Variants in PLD3 observed in about 807,000 individuals in gnomAD.
PLD3 encodes the protein 5'-3' exonuclease PLD3.
PLD3 carries 31 observed loss-of-function variants against 58.4 expected under a neutral mutation model. The ratio of observed to expected loss-of-function variants is 0.53; its 90% confidence interval spans 0.40 to 0.72. The LOEUF (loss-of-function observed/expected upper bound fraction) is 0.72. Among genes scored for constraint, PLD3 ranks in the 30% least tolerant of loss-of-function variants. The pLI is 0.00. For missense variants in PLD3, 595 were observed against 659.8 expected (o/e 0.90, Z 1.08); for synonymous variants, 264 against 273.4 (o/e 0.97, Z 0.34).
Position 40,378,176 on chromosome 19 carries a change from C to T in PLD3, c.*3C>T, listed in dbSNP as rs1281547306. 6.2e-7 allele frequency: 1 copy of T among 1,604,866 alleles called. No individual in the cohort carries two copies. Among genetic ancestry groups the T allele is most frequent in the Non-Finnish European group, 8.5e-7 (1 of 1,175,008 alleles). On this transcript the variant is annotated 3_prime_UTR_variant, in exon 13 of 13. Transcript: ENST00000409735. ...GCAACGCCTGCCGCCTGCTCTGAGG[C>T]CCGATCCAGTGGGCAGGCCAAGGCC...
At chr19:40,371,916 G>GC (rs2079077054) in intron 9 of PLD3, 43 bp downstream of exon 9, 1 of 1,494,832 alleles carries the variant, frequency 6.7e-7, no homozygotes, top group Non-Finnish European at 9.3e-7. Flanking sequence ...CCAGCCCCAT[G>GC]CCGTCACTCA....
intron 8 of PLD3, 86 bp from the exon 9 acceptor site, chr19:40,371,587 G>C: frequency 1.2e-6 from 1 of 846,920 alleles, no homozygotes; most frequent in Non-Finnish European, 1.9e-6. Context: ...GGGACAGGGG[G>C]AAAGACAGAG....
chr19:40,376,456 T>G, intron 10 of PLD3, 153 bp from the exon 11 acceptor site: 1 of 673,272 alleles, frequency 1.5e-6, no homozygotes, highest in Non-Finnish European at 2.5e-6. Flanking sequence ...GTGGGATTTA[T>G]GGAGACAGGA....
In PLD3 at chr19:40,369,442, C is replaced by T. The variant is rs561627322; in HGVS notation, c.430-466C>T. On this transcript the variant is annotated intron_variant, in intron 6 of 12. Coordinates refer to ENST00000409735, the MANE Select transcript of PLD3 (RefSeq NM_012268.4). ...CTGTGGGGATTATAATTAAACCAGC[C>T]TCACTGGGTTGTGAGAATTCAGTGA... 2.6e-5 allele frequency among the ~76,000 whole-genome samples: 4 copies of T among 152,336 alleles called. No individual in the cohort carries two copies. In the South Asian group the frequency reaches 8.3e-4, roughly 32 times the overall value.
chr19:40,375,131 G>A (rs966502265), intron 10 of PLD3, among the ~76,000 whole-genome samples: 9 of 151,892 alleles, frequency 5.9e-5, no homozygotes, highest in African/African-American at 2.2e-4. Context: ...TCTCCAGCCT[G>A]TGCGACAGAC....
intron 1 of PLD3, chr19:40,359,316 C>G (rs754838210): frequency 6.6e-6 from 1 of 152,242 alleles, no homozygotes; most frequent in Non-Finnish European, 1.5e-5. Flanking sequence ...TCCCAAAGTG[C>G]TGGATTACAG....
At chr19:40,361,858 T>G (rs2078793941) in intron 1 of PLD3, among the ~76,000 whole-genome samples, 1 of 152,122 alleles carries the variant, frequency 6.6e-6, no homozygotes, top group South Asian at 2.1e-4. Context: ...TTTTTTATTT[T>G]TTGAGACGGA....
intron 1 of PLD3, among the ~76,000 whole-genome samples, chr19:40,352,058 G>A (rs1382273503): frequency 6.6e-6 from 1 of 152,110 alleles, no homozygotes; most frequent in African/African-American, 2.4e-5. Flanking sequence ...GATCACTTGA[G>A]GTCAGGAGTT....
chr19:40,355,234 T>C lies in PLD3; in HGVS notation c.-279+6466T>C, dbSNP rs560802941. On this transcript the variant is annotated intron_variant, in intron 1 of 12. Transcript: ENST00000409735. ...ATTTTTTTCCAAGGCACATTCCATG[T>C]ATTTCACTCATTTATTTTCACTCCC... Among the ~76,000 whole-genome samples the C allele has an allele frequency of 4.6e-5, 7 of 152,262 alleles. No homozygotes were observed. The South Asian group carries it at 1.5e-3, about 32-fold the overall frequency.
chr19:40,374,726 T>C, intron 10 of PLD3, 106 bp downstream of exon 10: 4 of 1,270,116 alleles, frequency 3.1e-6, no homozygotes, highest in Non-Finnish European at 4.5e-6. Flanking sequence ...AGGGGACAGA[T>C]GGAAGAGAAG....
intron 11 of PLD3, among the ~76,000 whole-genome samples, chr19:40,377,429 T>TG (rs2079258842): frequency 3.7e-4 from 1 of 2,716 alleles, no homozygotes; most frequent in Non-Finnish European, 9.0e-4. Flanking sequence ...AGGGCCAGGG[T>TG]CGGGGGGCAC....
chr19:40,352,140 GCT>G (rs1199936256), intron 1 of PLD3, among the ~76,000 whole-genome samples: 412 of 152,032 alleles, frequency 2.7e-3, no homozygotes, highest in Non-Finnish European at 4.4e-3. Context: ...GGGCGTTGTG[GCT>G]TGTGCCTGTA....
chr19:40,351,961 A>G (rs956348238), intron 1 of PLD3, among the ~76,000 whole-genome samples: 1 of 152,168 alleles, frequency 6.6e-6, no homozygotes. Flanking sequence ...TGTTGGGAGA[A>G]AGTTTCAAAT....
At position 40,378,455 on chromosome 19, in the gene PLD3, G is replaced by C; in HGVS notation, c.*282G>C. ...ACTTTCCAGGGCAAAAAGGGCCCAG[G>C]GTTATAATAAGTAAATAACTTGTCT... On this transcript the variant is annotated 3_prime_UTR_variant, in exon 13 of 13. Coordinates refer to ENST00000409735, the MANE Select transcript of PLD3 (RefSeq NM_012268.4). 3.7e-6 allele frequency: 2 copies of C among 546,078 alleles called. No homozygotes were observed. The highest frequency in any genetic ancestry group is 6.6e-6 in the Non-Finnish European group (2 of 303,120). 33.8% of individuals were successfully genotyped at this position (546,078 alleles called of 1,614,324 possible).
rs756203771 is a variant in PLD3 at position 40,369,963 on chromosome 19, G to A, written c.485G>A (p.Arg162His). The A allele has an allele frequency of 1.3e-5, 21 of 1,561,288 alleles. No homozygotes were observed. The Admixed American group carries it at 1.9e-4, about 14-fold the overall frequency. Reference protein sequence around the residue: ...QTLAPKGVNVRIAVSKPSGPQ... With the variant: ...QTLAPKGVNVHIAVSKPSGPQ... ...CTGGCACCAAAGGGCGTGAACGTCC[G>A]CATCGCTGTGAGCAAGCCCAGCGGG... The change falls in exon 7 of 13, where the codon CGC becomes CAC. Residue 162 changes from arginine to histidine, a missense_variant. Coordinates refer to ENST00000409735, the MANE Select transcript of PLD3 (RefSeq NM_012268.4).
At chr19:40,371,061 G>A (rs529050448) in intron 8 of PLD3, among the ~76,000 whole-genome samples, 1 of 152,274 alleles carries the variant, frequency 6.6e-6, no homozygotes. Flanking sequence ...GTTTCCCAAA[G>A]GAGGTATAAC....
intron 1 of PLD3, chr19:40,357,498 A>C (rs1441721642): frequency 2.0e-5 from 3 of 152,096 alleles, no homozygotes; most frequent in African/African-American, 7.2e-5. Flanking sequence ...ATCAGCCTTG[A>C]CTTTTTCCCC....
intron 1 of PLD3, among the ~76,000 whole-genome samples, chr19:40,365,221 TGA>T (rs1010898326): frequency 6.6e-6 from 1 of 152,108 alleles, no homozygotes; most frequent in African/African-American, 2.4e-5. Context: ...AGAGGAGGGA[TGA>T]GAGAGGAAAG....
chr19:40,349,693 T>G lies in PLD3; in HGVS notation c.-279+925T>G, dbSNP rs549547793. ...GTCACCCTCGGCCGGGTGCGGTGGCTCATGCCTGTAATCCCAGCACTTTAG... is the reference window on the plus strand; with the variant it reads ...GTCACCCTCGGCCGGGTGCGGTGGCGCATGCCTGTAATCCCAGCACTTTAG... On this transcript the variant is annotated intron_variant, in intron 1 of 12. Coordinates refer to ENST00000409735, the MANE Select transcript of PLD3 (RefSeq NM_012268.4). Among the ~76,000 whole-genome samples, 4 of 152,314 alleles carry G rather than the reference T, an allele frequency of 2.6e-5. No individual in the cohort carries two copies. The South Asian group carries it at 8.3e-4, about 32-fold the overall frequency.
Sources: gnomAD v4.1 joint callset for allele counts (sites outside exome capture counted in the v4.1 genomes callset) on GRCh38, gnomAD v4.1.1 for gene constraint, MANE v1.5 for transcripts, NCBI Gene and HGNC (gene_info 2026-07-23, HGNC 2026-07-21) for gene names.